The following ATG5 variants were observed in gnomAD, a reference collection of about 807,000 sequenced individuals.
ATG5 encodes autophagy related 5.
Under a neutral mutation model 36.5 loss-of-function variants are expected in ATG5, and 14 were observed. That is an observed-to-expected ratio of 0.38 (90% confidence interval 0.25 to 0.60). The LOEUF (loss-of-function observed/expected upper bound fraction) is 0.60, where lower values mean the gene tolerates loss of function less well. ATG5 is among the 20% of genes least tolerant of loss of function. The pLI is 0.60. For synonymous variants in ATG5, 95 were observed against 101.5 expected (o/e 0.94, Z 0.38); for missense variants, 195 against 326.7 (o/e 0.60, Z 3.11).
chr6:106,210,744 A>G (rs1332592592), intron 6 of ATG5, among the ~76,000 whole-genome samples: 3 of 152,204 alleles, frequency 2.0e-5, no homozygotes, highest in Non-Finnish European at 4.4e-5. Flanking sequence ...TTGTGTGTCA[A>G]TTGTATCATC....
At chr6:106,296,440 T>A (rs1385108993) in intron 3 of ATG5, among the ~76,000 whole-genome samples, 1 of 152,228 alleles carries the variant, frequency 6.6e-6, no homozygotes, top group Admixed American at 6.5e-5. Flanking sequence ...ACATGATGCC[T>A]AGAAGGATGA....
intron 6 of ATG5, among the ~76,000 whole-genome samples, chr6:106,220,031 A>T (rs1777180761): frequency 6.6e-6 from 1 of 152,106 alleles, no homozygotes; most frequent in South Asian, 2.1e-4. Flanking sequence ...GCCTTTTTTT[A>T]AAAAGCTAAC....
At chr6:106,199,398 G>T (rs1168625293) in intron 7 of ATG5, among the ~76,000 whole-genome samples, 1 of 152,146 alleles carries the variant, frequency 6.6e-6, no homozygotes, top group African/African-American at 2.4e-5. Context: ...TCAAACTATG[G>T]ACACTTGCTT....
At chr6:106,196,951 A>G (rs997143801) in intron 7 of ATG5, among the ~76,000 whole-genome samples, 4 of 151,894 alleles carry the variant, frequency 2.6e-5, no homozygotes, top group African/African-American at 9.7e-5. Flanking sequence ...ATTAAAAAGC[A>G]ACTGTTAACT....
At chr6:106,262,458 A>C (rs1422595869) in intron 5 of ATG5, among the ~76,000 whole-genome samples, 2 of 152,238 alleles carry the variant, frequency 1.3e-5, no homozygotes, top group Non-Finnish European at 2.9e-5. Context: ...GTAAGAAGCT[A>C]ACAGACAAAA....
intron 4 of ATG5, among the ~76,000 whole-genome samples, chr6:106,285,757 G>A (rs534766969): frequency 6.6e-6 from 1 of 152,094 alleles, no homozygotes; most frequent in Non-Finnish European, 1.5e-5. Flanking sequence ...CTTTATTTAT[G>A]GTCATCACTA....
chr6:106,231,659 T>C (rs1006254511), intron 6 of ATG5, among the ~76,000 whole-genome samples: 4 of 152,212 alleles, frequency 2.6e-5, no homozygotes, highest in Non-Finnish European at 5.9e-5. Context: ...CAACTGACTC[T>C]ACTGAAGGCC....
chr6:106,228,230 C>T (rs1220538562), intron 6 of ATG5, among the ~76,000 whole-genome samples: 3 of 152,188 alleles, frequency 2.0e-5, no homozygotes, highest in Non-Finnish European at 2.9e-5. Flanking sequence ...GTGTTTGTTA[C>T]GGCTCGAGCT....
chr6:106,316,249 A>C lies in ATG5; in HGVS notation c.-41T>G. The C allele has an allele frequency of 6.6e-7, 1 of 1,512,158 alleles. No homozygotes were observed. The highest frequency in any genetic ancestry group is 9.1e-7 in the Non-Finnish European group (1 of 1,094,230). 93.7% of individuals were successfully genotyped at this position (1,512,158 alleles called of 1,614,324 possible). ...AGCAGTACATACAGGCTAAATTCTT[A>C]TTTCAACCAAAGCCAAACTGAAAAT... is the stretch of plus-strand genomic sequence containing the variant. On this transcript the variant is annotated 5_prime_UTR_variant, in exon 2 of 8. Coordinates refer to ENST00000369076, the MANE Select transcript of ATG5 (RefSeq NM_004849.4).
intron 5 of ATG5, among the ~76,000 whole-genome samples, chr6:106,268,988 C>T (rs909797434): frequency 5.0e-4 from 76 of 152,262 alleles, no homozygotes; most frequent in African/African-American, 1.7e-3. Flanking sequence ...ATGGCACATG[C>T]ATACCTATGT....
intron 1 of ATG5, among the ~76,000 whole-genome samples, chr6:106,317,169 C>T (rs1194270640): frequency 6.6e-6 from 1 of 152,096 alleles, no homozygotes; most frequent in East Asian, 1.9e-4. Flanking sequence ...TCACAATACA[C>T]GATATGAGTA....
intron 7 of ATG5, among the ~76,000 whole-genome samples, chr6:106,195,808 TAA>T (rs35892579): frequency 0.19 from 17,251 of 91,164 alleles, 1,367 homozygotes; most frequent in East Asian, 0.31. Flanking sequence ...TGCTCCCCTC[TAA>T]AAAAAAAAAA....
intron 6 of ATG5, among the ~76,000 whole-genome samples, chr6:106,212,885 A>G (rs145866305): frequency 1.4e-3 from 218 of 152,354 alleles, no homozygotes; most frequent in African/African-American, 5.0e-3. Context: ...ACTATGGTAC[A>G]TTACTTTAGA....
intron 4 of ATG5, among the ~76,000 whole-genome samples, chr6:106,290,171 T>G (rs1266184083): frequency 6.6e-6 from 1 of 151,200 alleles, no homozygotes; most frequent in Non-Finnish European, 1.5e-5. Context: ...GGACTAGAGG[T>G]GCATGCCACC....
chr6:106,240,743 T>C (rs1177901833), intron 6 of ATG5, among the ~76,000 whole-genome samples: 1 of 152,118 alleles, frequency 6.6e-6, no homozygotes, highest in Non-Finnish European at 1.5e-5. Context: ...AAAAAATACA[T>C]ATGCTTACTG....
At chr6:106,306,528 T>C (rs1274725461) in intron 3 of ATG5, among the ~76,000 whole-genome samples, 1 of 152,156 alleles carries the variant, frequency 6.6e-6, no homozygotes, top group Non-Finnish European at 1.5e-5. Context: ...AAACATCCTA[T>C]AATGTACAGG....
chr6:106,234,992 T>G (rs764848356), intron 6 of ATG5, among the ~76,000 whole-genome samples: 8 of 150,242 alleles, frequency 5.3e-5, no homozygotes, highest in Admixed American at 1.3e-4. Flanking sequence ...TATTATGTTA[T>G]TTTAGCGGAA....
At chr6:106,291,261 C>A (rs1029393795) in intron 4 of ATG5, among the ~76,000 whole-genome samples, 3 of 152,166 alleles carry the variant, frequency 2.0e-5, no homozygotes, top group African/African-American at 7.2e-5. Context: ...ATAATTAATA[C>A]TTTGTACTAC....
chr6:106,234,441 C>T (rs111794393), intron 6 of ATG5, among the ~76,000 whole-genome samples: 234 of 152,298 alleles, frequency 1.5e-3, no homozygotes, highest in African/African-American at 5.5e-3. Context: ...CCTCTTGTTT[C>T]CAATCTGGAA....
Sources: gnomAD v4.1 joint callset for allele counts (sites outside exome capture counted in the v4.1 genomes callset) on GRCh38, gnomAD v4.1.1 for gene constraint, MANE v1.5 for transcripts, NCBI Gene and HGNC (gene_info 2026-07-23, HGNC 2026-07-21) for gene names.